Variants in DNAJC1 observed in about 807,000 individuals in gnomAD.
DNAJC1 encodes DnaJ heat shock protein family (Hsp40) member C1.
A neutral mutation model predicts 76.6 loss-of-function variants in DNAJC1; 58 were observed. That is an observed-to-expected ratio of 0.76 (90% CI 0.61 to 0.94). The LOEUF (loss-of-function observed/expected upper bound fraction) is 0.94. Ranked by LOEUF, DNAJC1 falls within the 40% of genes least tolerant of loss-of-function variation. The probability of loss-of-function intolerance (pLI) is 0.00; values close to 1 mark genes in which losing one functional copy is unlikely to be tolerated. For missense variants in DNAJC1, 689 were observed against 677.3 expected (o/e 1.02, Z -0.19); for synonymous variants, 258 against 267.9 (o/e 0.96, Z 0.36).
At chr10:21,876,199 T>C (rs1444260302) in intron 8 of DNAJC1, among the ~76,000 whole-genome samples, 22 of 151,744 alleles carry the variant, frequency 1.4e-4, no homozygotes, top group Non-Finnish European at 3.2e-4. Flanking sequence ...CAACCTCCGA[T>C]TCCTGGGTTC....
At chr10:21,782,403 C>T (rs1195166813) in intron 9 of DNAJC1, among the ~76,000 whole-genome samples, 4 of 152,130 alleles carry the variant, frequency 2.6e-5, no homozygotes, top group Admixed American at 6.5e-5. Flanking sequence ...TAATTAATAG[C>T]CTACCAACCA....
In DNAJC1 at chr10:21,920,947, T is replaced by C. The variant is rs200884403; in HGVS notation, c.388A>G (p.Ile130Val). 481 of 1,610,870 alleles carry C rather than the reference T, an allele frequency of 3.0e-4. 3 individuals are homozygous for C. Among genetic ancestry groups the C allele is most frequent in the Non-Finnish European group, 5.9e-6 (7 of 1,178,246 alleles). The change falls in exon 4 of 12, where the codon ATC (isoleucine) becomes GTC (valine). Residue 130 changes from isoleucine to valine, a missense_variant. Coordinates refer to ENST00000376980, the MANE Select transcript of DNAJC1 (RefSeq NM_022365.4). ...TGTCGCCAATCTGGAAGTCCATTGA[T>C]CAGAATATCATCATACCTACAGTAC... ...ERRQRYDDIL[I>V]NGLPDWRQPV... is the part of the protein sequence containing the mutation.
At chr10:21,759,094 G>A (rs1834209012) in intron 11 of DNAJC1, 76 bp downstream of exon 11, 1 of 1,423,680 alleles carries the variant, frequency 7.0e-7, no homozygotes, top group Non-Finnish European at 9.6e-7. Context: ...GAGGGAAGAA[G>A]CTGCAGGCAG....
At chr10:21,850,204 T>C (rs762284076) in intron 8 of DNAJC1, among the ~76,000 whole-genome samples, 9 of 152,134 alleles carry the variant, frequency 5.9e-5, no homozygotes, top group Non-Finnish European at 1.3e-4. Flanking sequence ...TATCATCTGA[T>C]ATGTAGAAAA....
At chr10:21,817,024 G>C (rs1263037980) in intron 8 of DNAJC1, among the ~76,000 whole-genome samples, 1 of 149,780 alleles carries the variant, frequency 6.7e-6, no homozygotes, top group Non-Finnish European at 1.5e-5. Flanking sequence ...GCCGGGCGTG[G>C]TGGCGGGTGC....
At chr10:21,785,362 TG>T (rs1834592217) in intron 9 of DNAJC1, 1 of 152,238 alleles carries the variant, frequency 6.6e-6, no homozygotes, top group African/African-American at 2.4e-5. Context: ...CCAGCAGGCT[TG>T]GTAGATATCT....
At chr10:21,943,209 A>C (rs189680848) in intron 1 of DNAJC1, among the ~76,000 whole-genome samples, 184 of 152,342 alleles carry the variant, frequency 1.2e-3, no homozygotes, top group Admixed American at 2.4e-3. Context: ...CCAAGAAAAC[A>C]GAAAAAGAAC....
At chr10:21,792,352 T>C (rs1327750254) in intron 9 of DNAJC1, among the ~76,000 whole-genome samples, 1 of 152,224 alleles carries the variant, frequency 6.6e-6, no homozygotes, top group African/African-American at 2.4e-5. Flanking sequence ...GAACACTTTC[T>C]ATTTATTCTA....
At chr10:21,975,472 T>C (rs1013933044) in intron 1 of DNAJC1, among the ~76,000 whole-genome samples, 3 of 152,164 alleles carry the variant, frequency 2.0e-5, no homozygotes, top group African/African-American at 7.2e-5. Context: ...ACTGGTAAAC[T>C]GATCCATTCC....
chr10:21,772,271 C>T (rs200847421), intron 9 of DNAJC1, among the ~76,000 whole-genome samples: 324 of 93,026 alleles, frequency 3.5e-3, no homozygotes, highest in East Asian at 3.9e-3. Context: ...CACCCCTCTT[C>T]TTTTTTTTTT....
intron 7 of DNAJC1, among the ~76,000 whole-genome samples, chr10:21,894,250 C>T (rs151266223): frequency 2.2e-4 from 34 of 152,260 alleles, no homozygotes; most frequent in Non-Finnish European, 4.1e-4. Context: ...AGAATTAATA[C>T]CAGTGTTAGA....
intron 9 of DNAJC1, among the ~76,000 whole-genome samples, chr10:21,790,010 TAAAA>T (rs35639440): frequency 3.2e-4 from 13 of 41,092 alleles, no homozygotes; most frequent in African/African-American, 1.1e-3. Flanking sequence ...GCTCTGTCTT[TAAAA>T]AAAAAAAAAA....
chr10:21,768,865 C>T (rs1834335157), intron 9 of DNAJC1, among the ~76,000 whole-genome samples: 1 of 152,162 alleles, frequency 6.6e-6, no homozygotes, highest in African/African-American at 2.4e-5. Flanking sequence ...CCCCTTGAAT[C>T]CTCACAGAAC....
intron 8 of DNAJC1, among the ~76,000 whole-genome samples, chr10:21,824,642 A>C (rs1253131067): frequency 6.6e-6 from 1 of 152,158 alleles, no homozygotes; most frequent in Non-Finnish European, 1.5e-5. Flanking sequence ...GGCAAACCAC[A>C]CTGCTCCCAT....
intron 8 of DNAJC1, among the ~76,000 whole-genome samples, chr10:21,849,654 C>A (rs1270987093): frequency 6.6e-6 from 1 of 151,902 alleles, no homozygotes; most frequent in African/African-American, 2.4e-5. Flanking sequence ...CTGACAAAGA[C>A]AGCATGAGAA....
chr10:21,903,698 T>A (rs996872132), intron 7 of DNAJC1, among the ~76,000 whole-genome samples: 1 of 152,088 alleles, frequency 6.6e-6, no homozygotes, highest in African/African-American at 2.4e-5. Flanking sequence ...AGGATTGTGA[T>A]AGACTGAAAA....
intron 11 of DNAJC1, among the ~76,000 whole-genome samples, chr10:21,758,393 C>A (rs1016627700): frequency 6.6e-6 from 1 of 152,182 alleles, no homozygotes; most frequent in Non-Finnish European, 1.5e-5. Flanking sequence ...CTCTCTGCAG[C>A]GCCTCATGGC....
chr10:21,854,942 A>G (rs1835810643), intron 8 of DNAJC1, among the ~76,000 whole-genome samples: 1 of 152,202 alleles, frequency 6.6e-6, no homozygotes, highest in Admixed American at 6.5e-5. Context: ...TGTGAAATAC[A>G]GTCTTCGATA....
At chr10:21,917,732 T>C (rs1239899772) in intron 6 of DNAJC1, among the ~76,000 whole-genome samples, 2 of 151,982 alleles carry the variant, frequency 1.3e-5, no homozygotes, top group Non-Finnish European at 2.9e-5. Flanking sequence ...CTCTATTAAC[T>C]GTAAACAAAA....
Sources: allele counts gnomAD v4.1 joint callset (sites outside exome capture counted in the v4.1 genomes callset), GRCh38; gene constraint gnomAD v4.1.1; transcripts MANE v1.5; gene names NCBI Gene and HGNC (gene_info 2026-07-23, HGNC 2026-07-21).